The following ERBIN variants were observed in gnomAD, a reference collection of about 807,000 sequenced individuals.
ERBIN encodes the protein densin-180-like protein.
A neutral mutation model predicts 158.4 loss-of-function variants in ERBIN; 60 were observed. The observed-to-expected ratio is 0.38, with a 90% confidence interval of 0.31 to 0.47. ERBIN has a LOEUF of 0.47. Among genes scored for constraint, ERBIN ranks in the 20% least tolerant of loss-of-function variants. The pLI is 0.99. For synonymous variants in ERBIN, 594 were observed against 557.2 expected (o/e 1.07, Z -0.93); for missense variants, 1,610 against 1,648.0 (o/e 0.98, Z 0.40).
intron 7 of ERBIN, among the ~76,000 whole-genome samples, chr5:66,020,251 A>G (rs1755548003): frequency 6.6e-6 from 1 of 152,016 alleles, no homozygotes; most frequent in Non-Finnish European, 1.5e-5. Context: ...CATTACAATG[A>G]TGGTGTTTGT....
Position 66,078,503 on chromosome 5 carries a change from C to A in ERBIN, c.4212C>A (p.Leu1404=). 2 of 1,606,286 alleles carry A rather than the reference C, an allele frequency of 1.2e-6. No individual in the cohort carries two copies. The highest frequency in any genetic ancestry group is 1.7e-6 in the Non-Finnish European group (2 of 1,177,096). The change falls in exon 26 of 26, where the codon CTC becomes CTA. Residue 1404 remains leucine (L), a synonymous_variant. Transcript: ENST00000284037. ...AAACTTTCCAGAATACAGTTGAACT[C>A]ATCATTGTACGAGAAGTTTCCTCAT... is the stretch of plus-strand genomic sequence containing the variant. ...LLKTFQNTVE[L]IIVREVSS
intron 21 of ERBIN, 168 bp downstream of exon 21, chr5:66,055,119 A>C: frequency 7.2e-7 from 1 of 1,390,620 alleles, no homozygotes. Flanking sequence ...GACAATTGGG[A>C]TGATAATGTG....
intron 24 of ERBIN, 61 bp downstream of exon 24, chr5:66,076,469 T>G: frequency 2.5e-6 from 3 of 1,223,658 alleles, no homozygotes; most frequent in Non-Finnish European, 3.6e-6. Flanking sequence ...ATTGAATACT[T>G]AAATGTAAGT....
Position 66,054,587 on chromosome 5 carries a change from A to C in ERBIN, c.3269A>C (p.Asp1090Ala). 6.2e-7 allele frequency: 1 copy of C among 1,614,140 alleles called. No individual in the cohort carries two copies. Among genetic ancestry groups the C allele is most frequent in the African/African-American group, 1.3e-5 (1 of 75,028 alleles). ...VSSTASVNLGDPGSTRRAQIP... is the reference protein window; with the variant it reads ...VSSTASVNLGAPGSTRRAQIP... ...TCCACAGCCTCTGTAAATCTTGGTG[A>C]TCCAGGCTCTACAAGGCGGGCTCAG... Residue 1090 changes from aspartate (D) to alanine (A), a missense_variant, in exon 21 of 26, where the codon GAT becomes GCT. Around this residue, in one of 2 missense-constraint regions of ERBIN, gnomAD observed 1,014 missense variants for 936.1 expected, o/e 1.08. Coordinates refer to ENST00000284037, the MANE Select transcript of ERBIN (RefSeq NM_001253697.2).
intron 21 of ERBIN, among the ~76,000 whole-genome samples, chr5:66,059,128 A>G (rs552260576): frequency 7.2e-5 from 11 of 152,300 alleles, no homozygotes; most frequent in African/African-American, 2.6e-4. Flanking sequence ...TACCTTGGGC[A>G]GTATGGCCAT....
At position 66,018,466 on chromosome 5, in the gene ERBIN, A is replaced by ATATATATTATATTATATAATATATAT. The variant is rs1561379995; in HGVS notation, c.534-2844_534-2843insTATATAATATATATTATATATTATAT. Reference sequence around the variant, plus strand: ...AATATAATATATATTATATTATATAATATATATTATATATTATATATTATA... The same window carrying ATATATATTATATTATATAATATATAT: ...AATATAATATATATTATATTATATAATATATATTATATTATATAATATATATTATATATTATATATTATATATTATA... On this transcript the variant is annotated intron_variant, in intron 7 of 25. Coordinates refer to ENST00000284037, the MANE Select transcript of ERBIN (RefSeq NM_001253697.2). 2.4e-3 allele frequency among the ~76,000 whole-genome samples: 13 copies of ATATATATTATATTATATAATATATAT among 5,498 alleles called. 5 individuals carry two copies. Among genetic ancestry groups the ATATATATTATATTATATAATATATAT allele is most frequent in the Non-Finnish European group, 4.6e-3 (13 of 2,834 alleles). The allele number at this position is 5,498 out of a possible 152,430, so 3.6% of individuals were successfully genotyped here. A position where few individuals can be genotyped will look rare whatever the true frequency, so the allele number is the denominator to read the frequency against.
intron 1 of ERBIN, chr5:65,961,122 CTGTG>C: frequency 6.6e-6 from 1 of 152,298 alleles, no homozygotes; most frequent in Non-Finnish European, 1.5e-5. Flanking sequence ...ACAATTCCTT[CTGTG>C]TAATTCTGAA....
chr5:66,056,592 G>C (rs919128016), intron 21 of ERBIN, among the ~76,000 whole-genome samples: 7 of 151,828 alleles, frequency 4.6e-5, no homozygotes, highest in African/African-American at 1.7e-4. Flanking sequence ...TCACGGTACG[G>C]GTTCTTGAAG....
At chr5:66,024,179 C>T (rs1381170987) in intron 9 of ERBIN, 127 bp from the exon 10 acceptor site, 1 of 619,258 alleles carries the variant, frequency 1.6e-6, no homozygotes, top group Non-Finnish European at 2.7e-6. Context: ...AAAAAACTAC[C>T]TGGGAGTCTT....
intron 1 of ERBIN, among the ~76,000 whole-genome samples, chr5:65,944,066 A>G (rs781462015): frequency 2.6e-5 from 4 of 152,198 alleles, no homozygotes; most frequent in Non-Finnish European, 4.4e-5. Context: ...ACTGGGGTTG[A>G]TGCCATATTT....
intron 21 of ERBIN, chr5:66,068,801 G>A: frequency 1.5e-6 from 2 of 1,302,530 alleles, no homozygotes; most frequent in South Asian, 1.8e-5. Context: ...TTGTAAATAA[G>A]TCTACGTATA....
rs368909203 is a variant in ERBIN at position 66,025,908 on chromosome 5, T to C, written c.951T>C (p.Ser317=). Residue 317 remains serine, a synonymous_variant, in exon 12 of 26, where the codon TCT becomes TCC. Coordinates refer to ENST00000284037, the MANE Select transcript of ERBIN (RefSeq NM_001253697.2). ...ATGAAGTTGAAGCTTTGCCTTCATC[T>C]ATTGGGCAGCTTACTAACTTAAGAA... The part of the protein sequence containing the change: ...SFNEVEALPS[S]IGQLTNLRTF... The C allele has an allele frequency of 1.3e-6, 2 of 1,593,670 alleles. No individual in the cohort carries two copies. Among genetic ancestry groups the C allele is most frequent in the African/African-American group, 2.7e-5 (2 of 74,094 alleles).
At chr5:66,077,059 G>C in intron 25 of ERBIN, 110 bp downstream of exon 25, 3 of 774,220 alleles carry the variant, frequency 3.9e-6, no homozygotes, top group Middle Eastern at 4.1e-4. Flanking sequence ...GCTGAGGCAG[G>C]AGAATGGCGT....
At chr5:66,037,798 A>T (rs1183212854) in intron 14 of ERBIN, among the ~76,000 whole-genome samples, 1 of 152,144 alleles carries the variant, frequency 6.6e-6, no homozygotes, top group African/African-American at 2.4e-5. Flanking sequence ...TTAGGGAAAA[A>T]ATCATAAGAA....
At position 66,047,862 on chromosome 5, in the gene ERBIN, G is replaced by A. The variant is rs60034062; in HGVS notation, c.1789-805G>A. 7.0e-3 allele frequency among the ~76,000 whole-genome samples: 1,068 copies of A among 152,070 alleles called. 10 individuals are homozygous for A. The highest frequency in any genetic ancestry group is 0.025 in the African/African-American group (1,033 of 41,532). On this transcript the variant is annotated intron_variant, in intron 18 of 25. Coordinates refer to ENST00000284037, the MANE Select transcript of ERBIN (RefSeq NM_001253697.2). ...CATTTAGTGTAATTTCTATGTGTAA[G>A]GCACTGTGTTTAGAGCTAAGGTGGC...
intron 20 of ERBIN, among the ~76,000 whole-genome samples, chr5:66,052,413 A>G (rs778683485): frequency 6.6e-6 from 1 of 152,106 alleles, no homozygotes; most frequent in Non-Finnish European, 1.5e-5. Context: ...ATTTATTTCT[A>G]TTCTTTGAAT....
Position 66,012,048 on chromosome 5 carries a change from G to T in ERBIN, c.308-1G>T. The T allele has an allele frequency of 6.3e-7, 1 of 1,579,990 alleles. No individual in the cohort carries two copies. Among genetic ancestry groups the T allele is most frequent in the Non-Finnish European group, 8.6e-7 (1 of 1,156,708 alleles). On this transcript the variant is annotated splice_acceptor_variant, in intron 4 of 25. Coordinates refer to ENST00000284037, the MANE Select transcript of ERBIN (RefSeq NM_001253697.2). LOFTEE classifies it high-confidence loss of function. ...TAATTTGATCGTTGTTTGTTTTCTA[G>T]GAATACAGGAGTTTCCAGAAAATAT...
chr5:65,958,328 A>G (rs1012714049), intron 1 of ERBIN, among the ~76,000 whole-genome samples: 1 of 152,212 alleles, frequency 6.6e-6, no homozygotes. Context: ...AGCCTGGGCA[A>G]CATTGAGCAC....
At chr5:66,076,674 A>G (rs1762010707) in intron 24 of ERBIN, 3 of 601,618 alleles carry the variant, frequency 5.0e-6, no homozygotes, top group Non-Finnish European at 5.9e-6. Context: ...AAGTAATTTT[A>G]TTACTCTCAA....
Sources: allele counts gnomAD v4.1 joint callset (sites outside exome capture counted in the v4.1 genomes callset), GRCh38; gene constraint gnomAD v4.1.1; regional missense constraint gnomAD v4.1.1; transcripts MANE v1.5; gene names NCBI Gene and HGNC (gene_info 2026-07-23, HGNC 2026-07-21).